The following NCMAP variants were observed in gnomAD, a reference collection of about 807,000 sequenced individuals.
NCMAP encodes noncompact myelin-associated protein.
Under a neutral mutation model 7.8 loss-of-function variants are expected in NCMAP, and 8 were observed. The observed-to-expected ratio is 1.02, with a 90% CI of 0.60 to 1.84. The LOEUF is 1.84. NCMAP is among the 40% of genes most tolerant of loss of function. NCMAP has a pLI of 0.00. For synonymous variants in NCMAP, 41 were observed against 52.9 expected (o/e 0.78, Z 0.98); for missense variants, 112 against 131.4 (o/e 0.85, Z 0.72).
intron 3 of NCMAP, among the ~76,000 whole-genome samples, chr1:24,602,378 C>A: frequency 7.4e-6 from 1 of 135,274 alleles, no homozygotes; most frequent in African/African-American, 3.7e-5. Flanking sequence ...GTCAGGAGAT[C>A]GAGACCACGG....
chr1:24,580,648 A>G (rs1232556854), intron 1 of NCMAP, among the ~76,000 whole-genome samples: 2 of 152,088 alleles, frequency 1.3e-5, no homozygotes, highest in Non-Finnish European at 2.9e-5. Flanking sequence ...ACAGGGTTTC[A>G]CCATGTTTTG....
intron 1 of NCMAP, among the ~76,000 whole-genome samples, chr1:24,584,164 T>A (rs1651816611): frequency 6.6e-6 from 1 of 151,942 alleles, no homozygotes; most frequent in Admixed American, 6.6e-5. Context: ...GCGGGACACC[T>A]GGAGATTTAC....
chr1:24,564,883 T>A (rs1253451109), intron 1 of NCMAP, among the ~76,000 whole-genome samples: 4 of 151,810 alleles, frequency 2.6e-5, no homozygotes, highest in Non-Finnish European at 4.4e-5. Flanking sequence ...ACTAGTAATT[T>A]AAAAAAAAGA....
At chr1:24,573,408 C>T (rs146107269) in intron 1 of NCMAP, among the ~76,000 whole-genome samples, 14,693 of 150,376 alleles carry the variant, frequency 0.098, 1,176 homozygotes, top group East Asian at 0.18. Context: ...GCCAACATGG[C>T]GAAACCCTGT....
rs528928003 is a variant in NCMAP, at chr1:24,573,924, A to G, written c.-8+17755A>G. Among the ~76,000 whole-genome samples the G allele has an allele frequency of 5.0e-4, 70 of 139,102 alleles. 1 individual carries two copies. Among genetic ancestry groups the G allele is most frequent in the Middle Eastern group, 3.7e-3 (1 of 272 alleles). 91.3% of individuals were successfully genotyped at this position (139,102 alleles called of 152,430 possible). A position where few individuals can be genotyped will look rare whatever the true frequency, so the allele number is the denominator to read the frequency against. Reference sequence around the variant, plus strand: ...ATCCGCTCCCAGTGTGGGCGGCACCATGCACTCTGCTGGGGACCCAGAGAG... The same window carrying G: ...ATCCGCTCCCAGTGTGGGCGGCACCGTGCACTCTGCTGGGGACCCAGAGAG... On this transcript the variant is annotated intron_variant, in intron 1 of 3. Transcript: ENST00000374392.
chr1:24,583,264 G>A (rs781282386), intron 1 of NCMAP, among the ~76,000 whole-genome samples: 7 of 152,112 alleles, frequency 4.6e-5, no homozygotes, highest in South Asian at 2.1e-4. Flanking sequence ...AGGATGCTGC[G>A]ATGGTGCTGA....
At chr1:24,564,513 C>CAAAA (rs1184189345) in intron 1 of NCMAP, among the ~76,000 whole-genome samples, 2,751 of 50,004 alleles carry the variant, frequency 0.055, 477 homozygotes, top group Middle Eastern at 0.08. Flanking sequence ...GATTCTGTCT[C>CAAAA]AAAAAAAAAA....
At chr1:24,570,546 G>T (rs1570517383) in intron 1 of NCMAP, among the ~76,000 whole-genome samples, 1 of 150,928 alleles carries the variant, frequency 6.6e-6, no homozygotes, top group South Asian at 2.1e-4. Flanking sequence ...TTAGCGCTTA[G>T]AACTAAGTAC....
intron 3 of NCMAP, among the ~76,000 whole-genome samples, chr1:24,602,125 C>T (rs995369491): frequency 4.6e-5 from 7 of 151,636 alleles, no homozygotes; most frequent in African/African-American, 1.7e-4. Context: ...TCAAAGTTTA[C>T]AAAACTATAT....
intron 1 of NCMAP, among the ~76,000 whole-genome samples, chr1:24,587,015 C>G (rs1459380453): frequency 6.6e-6 from 1 of 152,132 alleles, no homozygotes. Flanking sequence ...GGAGTTGTGA[C>G]TTTTATAATT....
chr1:24,578,245 C>CA (rs35145959), intron 1 of NCMAP, among the ~76,000 whole-genome samples: 45,783 of 116,084 alleles, frequency 0.39, 8,691 homozygotes, highest in African/African-American at 0.45. Context: ...GACACTGTCT[C>CA]AAAAAAAAAA....
chr1:24,580,089 T>C (rs1415103354), intron 1 of NCMAP, among the ~76,000 whole-genome samples: 1 of 152,122 alleles, frequency 6.6e-6, no homozygotes, highest in African/African-American at 2.4e-5. Context: ...GTGCTGCTGA[T>C]CCATGGACCA....
chr1:24,560,637 G>T (rs35878506), intron 1 of NCMAP, among the ~76,000 whole-genome samples: 1 of 151,982 alleles, frequency 6.6e-6, no homozygotes, highest in African/African-American at 2.4e-5. Context: ...CCAGCTCCTC[G>T]GGAGGCTGAG....
At chr1:24,571,516 T>C (rs1342548774) in intron 1 of NCMAP, among the ~76,000 whole-genome samples, 1 of 150,568 alleles carries the variant, frequency 6.6e-6, no homozygotes, top group Non-Finnish European at 1.5e-5. Flanking sequence ...AATTTTGATA[T>C]TTTATGTAAC....
Position 24,572,661 on chromosome 1 carries a change from C to T in NCMAP, c.-8+16492C>T, listed in dbSNP as rs1309433767. On this transcript the variant is annotated intron_variant, in intron 1 of 3. Coordinates refer to ENST00000374392, the MANE Select transcript of NCMAP (RefSeq NM_001010980.5). ...CTCCTCCTAGGAGTACACAGGCCCC[C>T]TGGAGAGCTCAGCACCCCAGCACAC... 2.0e-5 allele frequency among the ~76,000 whole-genome samples: 3 copies of T among 150,616 alleles called. No individual in the cohort carries two copies. The East Asian group carries it at 5.8e-4, about 29-fold the overall frequency.
rs1308875991 is a variant in NCMAP at position 24,605,853 on chromosome 1, TCGACAGAGACATCTTTGA to T, written c.*109_*126del. On this transcript the variant is annotated 3_prime_UTR_variant, in exon 4 of 4. Transcript: ENST00000374392. ...TCACAATGAGCTTCTTCTGGTCAGG[TCGACAGAGACATCTTTGA>T]CGCAATCTCTGATGCTTCCAGCAAT... is the stretch of plus-strand genomic sequence containing the variant. 1 of 1,350,318 alleles carries T rather than the reference TCGACAGAGACATCTTTGA, an allele frequency of 7.4e-7. No individual in the cohort carries two copies. The highest frequency in any genetic ancestry group is 1.5e-5 in the African/African-American group (1 of 68,068). The allele number at this position is 1,350,318 out of a possible 1,614,324, so 83.6% of individuals were successfully genotyped here. A position where few individuals can be genotyped will look rare whatever the true frequency, so the allele number is the denominator to read the frequency against.
At chr1:24,556,805 C>T (rs1225534223) in intron 1 of NCMAP, among the ~76,000 whole-genome samples, 1 of 151,992 alleles carries the variant, frequency 6.6e-6, no homozygotes. Flanking sequence ...TTAGAGAGAC[C>T]AAGGCAGCCC....
At chr1:24,574,484 C>T (rs1021992964) in intron 1 of NCMAP, among the ~76,000 whole-genome samples, 7 of 152,180 alleles carry the variant, frequency 4.6e-5, no homozygotes, top group African/African-American at 1.7e-4. Flanking sequence ...GACTGAGCCA[C>T]GCTCCTGATG....
At chr1:24,597,651 G>GAAAGAAAGAAAGAAAGAAAAGAA (rs1652295816) in intron 2 of NCMAP, among the ~76,000 whole-genome samples, 1 of 133,574 alleles carries the variant, frequency 7.5e-6, no homozygotes, top group Non-Finnish European at 1.6e-5. Flanking sequence ...AAGAAAGAAA[G>GAAAGAAAGAAAGAAAGAAAAGAA]AAAGAAAGAA....
Sources: gnomAD v4.1 joint callset for allele counts (sites outside exome capture counted in the v4.1 genomes callset) on GRCh38, gnomAD v4.1.1 for gene constraint, MANE v1.5 for transcripts, NCBI Gene and HGNC (gene_info 2026-07-23, HGNC 2026-07-21) for gene names.